ABCC10: variants seen among roughly 807,000 people sequenced by gnomAD.
ABCC10 encodes the protein ATP-binding cassette sub-family C member 10.
A neutral mutation model predicts 143.2 loss-of-function variants in ABCC10; 110 were observed. The observed-to-expected ratio is 0.77, with a 90% CI of 0.66 to 0.90. The LOEUF (loss-of-function observed/expected upper bound fraction) is 0.90, where lower values mean the gene tolerates loss of function less well. Ranked by LOEUF, ABCC10 falls within the 40% of genes least tolerant of loss-of-function variation. The pLI, the probability that ABCC10 is intolerant of heterozygous loss-of-function variation, is 0.00. For missense variants in ABCC10, 1,700 were observed against 1,900.5 expected, an observed-to-expected ratio of 0.89 and a Z score of 1.96; for synonymous variants, 805 against 846.7, an observed-to-expected ratio of 0.95 and a Z score of 0.85.
At chr6:43,430,381 A>G (rs944832985) in intron 2 of ABCC10, among the ~76,000 whole-genome samples, 1 of 152,092 alleles carries the variant, frequency 6.6e-6, no homozygotes, top group Non-Finnish European at 1.5e-5. Context: ...TTGAGCCACC[A>G]TGCCCAGCCC....
chr6:43,446,451 C>T lies in ABCC10; in HGVS notation c.3544+5C>T. 6.2e-7 allele frequency: 1 copy of T among 1,607,958 alleles called. No homozygotes were observed. The highest frequency in any genetic ancestry group is 8.5e-7 in the Non-Finnish European group (1 of 1,177,722). On this transcript the variant is annotated splice_donor_5th_base_variant and intron_variant, in intron 16 of 21. Transcript: ENST00000372530. ...AGCAGGGCCTCGCTAACCCAGGTGC[C>T]ACCCAGGACCCCTCACCCCTACCTC...
chr6:43,447,004 C>T lies in ABCC10; in HGVS notation c.3545-244C>T, dbSNP rs896815116. On this transcript the variant is annotated intron_variant, in intron 16 of 21. Coordinates refer to ENST00000372530, the MANE Select transcript of ABCC10 (RefSeq NM_001198934.2). ...CTGGGATTACAGGCGCCTGCCACCA[C>T]GCCCAGCTAATTTTTGTATTTTTAG... The T allele has an allele frequency of 9.2e-5, 63 of 682,572 alleles. 1 individual carries two copies. Among genetic ancestry groups the T allele is most frequent in the Middle Eastern group, 1.0e-3 (2 of 1,908 alleles). 42.3% of individuals were successfully genotyped at this position (682,572 alleles called of 1,614,324 possible).
chr6:43,434,169 G>A (rs1317814445), intron 3 of ABCC10, among the ~76,000 whole-genome samples: 1 of 152,268 alleles, frequency 6.6e-6, no homozygotes, highest in Non-Finnish European at 1.5e-5. Flanking sequence ...TCTTATGCCT[G>A]TGTACTTCTA....
chr6:43,449,643 C>T (rs910492606), intron 21 of ABCC10, 109 bp downstream of exon 21: 5 of 929,558 alleles, frequency 5.4e-6, no homozygotes, highest in Non-Finnish European at 8.1e-6. Flanking sequence ...ATCCTGCCCC[C>T]CCAGATCTCA....
intron 1 of ABCC10, 43 bp from the exon 2 acceptor site, chr6:43,427,925 G>A (rs1562160649): frequency 1.9e-6 from 3 of 1,605,696 alleles, no homozygotes; most frequent in Admixed American, 3.3e-5. Flanking sequence ...AGGCAAAGCC[G>A]GCTGTTACCC....
intron 6 of ABCC10, among the ~76,000 whole-genome samples, chr6:43,437,701 A>G (rs1464700746): frequency 6.6e-6 from 1 of 152,122 alleles, no homozygotes; most frequent in African/African-American, 2.4e-5. Context: ...GGCCCTTCAC[A>G]TAGACAGTGA....
rs766398406 is a variant in ABCC10, at chr6:43,450,031, G to C, written c.4419G>C (p.Leu1473=). 25 of 1,612,772 alleles carry C rather than the reference G, an allele frequency of 1.6e-5. No homozygotes were observed. Among genetic ancestry groups the C allele is most frequent in the Non-Finnish European group, 2.0e-5 (24 of 1,179,602 alleles). The stretch of plus-strand genomic sequence containing the variant: ...CCCTGCGCAACCAGCCCCACTCCCT[G>C]TTCCAGCAGCTGCTGCAGAGCAGCC... ...PATLRNQPHS[L]FQQLLQSSQQ... The change falls in exon 22 of 22, where the codon CTG becomes CTC. Residue 1473 remains leucine, a synonymous_variant. Transcript: ENST00000372530. This position sits in a 1 kb window ranked among gnomAD's most constrained non-coding sequence, Gnocchi z 4.5.
In ABCC10 at chr6:43,445,620, G is replaced by A; in HGVS notation, c.3052G>A (p.Ala1018Thr). Residue 1018 changes from alanine to threonine, a missense_variant, in exon 15 of 22, where the codon GCC becomes ACC. Ala to Thr is a moderately conservative substitution (Grantham distance 58, BLOSUM62 0). Transcript: ENST00000372530. The part of the protein sequence containing the change: ...VLMAPVTFFN[A>T]TPTGRILNRF... Reference sequence around the variant, plus strand: ...CCAGGCACCAGTGACTTTCTTCAATGCCACACCCACGGGCCGGATCCTAAA... The same window carrying A: ...CCAGGCACCAGTGACTTTCTTCAATACCACACCCACGGGCCGGATCCTAAA... The A allele has an allele frequency of 6.2e-7, 1 of 1,605,272 alleles. No homozygotes were observed. The highest frequency in any genetic ancestry group is 8.5e-7 in the Non-Finnish European group (1 of 1,174,504).
chr6:43,431,699 G>A (rs1781149205), intron 2 of ABCC10: 4 of 625,180 alleles, frequency 6.4e-6, no homozygotes, highest in African/African-American at 2.0e-5. Context: ...TGAGGCATAT[G>A]TGCTTGTTTG....
At position 43,443,806 on chromosome 6, in the gene ABCC10, G is replaced by A. The variant is rs906980231; in HGVS notation, c.2417-127G>A. ...TAAGAGTCCTGCTCGAGGTCTAGGG[G>A]TATCCTGCTAGGGTGGGTTAGACGG... On this transcript the variant is annotated intron_variant, in intron 10 of 21. Coordinates refer to ENST00000372530, the MANE Select transcript of ABCC10 (RefSeq NM_001198934.2). This position sits in a 1 kb window ranked among gnomAD's most constrained non-coding sequence, Gnocchi z 4.2. 8.0e-5 allele frequency: 76 copies of A among 949,674 alleles called. 2 individuals carry two copies. Among genetic ancestry groups the A allele is most frequent in the South Asian group, 1.4e-5 (1 of 71,876 alleles). The allele number at this position is 949,674 out of a possible 1,614,324, so 58.8% of individuals were successfully genotyped here.
Position 43,447,817 on chromosome 6 carries a change from G to A in ABCC10, c.3839G>A (p.Gly1280Asp). 1 of 1,613,648 alleles carries A rather than the reference G, an allele frequency of 6.2e-7. No homozygotes were observed. Among genetic ancestry groups the A allele is most frequent in the Non-Finnish European group, 8.5e-7 (1 of 1,180,022 alleles). ...CCTGGAGAGAAGTTGGGCATCGTGGGCCGCACAGGCTCCGGCAAGTCTTCC... is the reference window on the plus strand; with the variant it reads ...CCTGGAGAGAAGTTGGGCATCGTGGACCGCACAGGCTCCGGCAAGTCTTCC... ...VQPGEKLGIVGRTGSGKSSLL... is the reference protein window; with the variant it reads ...VQPGEKLGIVDRTGSGKSSLL... The change falls in exon 18 of 22, where the codon GGC (glycine) becomes GAC (aspartate). Residue 1280 changes from glycine to aspartate, a missense_variant. By Grantham distance (94) the Gly-to-Asp change is moderately conservative. Transcript: ENST00000372530.
At position 43,447,327 on chromosome 6, in the gene ABCC10, A is replaced by G; in HGVS notation, c.3624A>G (p.Thr1208=). The change falls in exon 17 of 22, where the codon ACA becomes ACG. Residue 1208 remains threonine, a synonymous_variant. Coordinates refer to ENST00000372530, the MANE Select transcript of ABCC10 (RefSeq NM_001198934.2). ...LSGLVSSFTQ[T]EAMLVSVERL... ...GCCTGGTGAGCAGCTTCACACAGAC[A>G]GAGGCCATGCTGGTGAGCGTCGAGC... The G allele has an allele frequency of 6.2e-7, 1 of 1,613,650 alleles. No individual in the cohort carries two copies. Among genetic ancestry groups the G allele is most frequent in the Non-Finnish European group, 8.5e-7 (1 of 1,180,000 alleles).
At chr6:43,446,729 C>A (rs986677248) in intron 16 of ABCC10, 9 of 1,267,592 alleles carry the variant, frequency 7.1e-6, no homozygotes, top group Non-Finnish European at 3.0e-6. Context: ...TGCCCCAGCC[C>A]GCTTCAGTCT....
Position 43,447,404 on chromosome 6 carries a change from T to G in ABCC10, c.3701T>G (p.Leu1234Arg). The stretch of plus-strand genomic sequence containing the variant: ...CCCCAGGAACCCCAGGGCCAGCCAC[T>G]GCAGGTGGGCCTGTACCCCCACCCC... ...DLPQEPQGQP[L>R]QLGTGWLTQG... The change falls in exon 17 of 22, where the codon CTG becomes CGG. Residue 1234 changes from leucine to arginine, a missense_variant. Transcript: ENST00000372530. 1 of 1,613,090 alleles carries G rather than the reference T, an allele frequency of 6.2e-7. No homozygotes were observed. Among genetic ancestry groups the G allele is most frequent in the Non-Finnish European group, 8.5e-7 (1 of 1,179,852 alleles).
chr6:43,438,182 G>A (rs1045919981), intron 7 of ABCC10, 169 bp downstream of exon 7: 8 of 938,596 alleles, frequency 8.5e-6, no homozygotes, highest in South Asian at 3.3e-5. Context: ...CCAAGAAAGC[G>A]AATCATTGTA....
rs371449251 is a variant in ABCC10, at chr6:43,449,883, G to A, written c.4317-46G>A. On this transcript the variant is annotated intron_variant, in intron 21 of 21. Transcript: ENST00000372530. ...GAAAGCAGGTCAGTGTTCTTACTTA[G>A]GGCATTGTCCCTCATCCCCTACACT... The A allele has an allele frequency of 6.2e-6, 10 of 1,608,570 alleles. No homozygotes were observed. The African/African-American group carries it at 1.1e-4, about 17-fold the overall frequency.
intron 7 of ABCC10, 64 bp from the exon 8 acceptor site, chr6:43,438,560 G>GTCAA: frequency 6.3e-7 from 1 of 1,576,588 alleles, no homozygotes; most frequent in Non-Finnish European, 8.6e-7. Flanking sequence ...TAGGAGTCAA[G>GTCAA]GGCTGGGCAT....
chr6:43,451,705 C>G (rs1272206954), downstream of ABCC10, among the ~76,000 whole-genome samples: 1 of 151,586 alleles, frequency 6.6e-6, no homozygotes, highest in Non-Finnish European at 1.5e-5. The surrounding 1 kb of genome is among the most constrained non-coding windows in gnomAD (Gnocchi z 4.4). Flanking sequence ...AACAGTCACA[C>G]GTTTGTTACC....
At position 43,427,927 on chromosome 6, in the gene ABCC10, C is replaced by G; in HGVS notation, c.-11-41C>G. 3.1e-6 allele frequency: 5 copies of G among 1,606,446 alleles called. No individual in the cohort carries two copies. The South Asian group carries it at 5.5e-5, about 18-fold the overall frequency. ...GGCTGGGAAGTGCAGGCAAAGCCGGCTGTTACCCTGCACAGCCGTCACCCT... is the reference window on the plus strand; with the variant it reads ...GGCTGGGAAGTGCAGGCAAAGCCGGGTGTTACCCTGCACAGCCGTCACCCT... On this transcript the variant is annotated intron_variant, in intron 1 of 21. Coordinates refer to ENST00000372530, the MANE Select transcript of ABCC10 (RefSeq NM_001198934.2).
Sources: allele counts gnomAD v4.1 joint callset (sites outside exome capture counted in the v4.1 genomes callset), GRCh38; gene constraint gnomAD v4.1.1; non-coding constraint Gnocchi (gnomAD v3.1); transcripts MANE v1.5; gene names NCBI Gene and HGNC (gene_info 2026-07-23, HGNC 2026-07-21).